The following SEMA3A variants were observed in gnomAD, a reference collection of about 807,000 sequenced individuals.
SEMA3A encodes semaphorin-3A.
SEMA3A carries 29 observed loss-of-function variants against 97.9 expected under a neutral mutation model. The observed-to-expected ratio is 0.30, with a 90% CI of 0.22 to 0.40. SEMA3A has a LOEUF of 0.40. Ranked by LOEUF, SEMA3A falls within the 10% of genes least tolerant of loss-of-function variation. SEMA3A has a pLI of 1.00. For missense variants in SEMA3A, 763 were observed against 951.3 expected, an observed-to-expected ratio of 0.80 and a Z score of 2.60; for synonymous variants, 321 against 323.7, an observed-to-expected ratio of 0.99 and a Z score of 0.09.
chr7:84,374,968 G>T (rs1803061866), intron 1 of SEMA3A, among the ~76,000 whole-genome samples: 1 of 152,116 alleles, frequency 6.6e-6, no homozygotes, highest in Admixed American at 6.6e-5. Flanking sequence ...TATGTTTGAA[G>T]CATAAATTGG....
chr7:84,158,116 A>G (rs1796904604), intron 1 of SEMA3A, among the ~76,000 whole-genome samples: 1 of 139,236 alleles, frequency 7.2e-6, no homozygotes, highest in African/African-American at 2.6e-5. Flanking sequence ...CCTTTGCTAC[A>G]TTGAAGCTTA....
intron 2 of SEMA3A, among the ~76,000 whole-genome samples, chr7:84,338,122 T>C (rs751051837): frequency 7.8e-4 from 118 of 151,470 alleles, no homozygotes; most frequent in Non-Finnish European, 1.3e-3. Context: ...GTGCATATAC[T>C]GAGTATATGT....
chr7:84,390,891 C>T (rs1222397423), intron 1 of SEMA3A, among the ~76,000 whole-genome samples: 1 of 152,108 alleles, frequency 6.6e-6, no homozygotes, highest in African/African-American at 2.4e-5. Flanking sequence ...CTTTTTGAGG[C>T]TTTCAGGGTC....
chr7:84,298,211 T>C (rs902389693), intron 3 of SEMA3A, among the ~76,000 whole-genome samples: 1 of 152,152 alleles, frequency 6.6e-6, no homozygotes, highest in Non-Finnish European at 1.5e-5. Context: ...CATATTGCCA[T>C]CATTCATAAT....
At chr7:84,358,471 G>T (rs1347028553) in intron 2 of SEMA3A, among the ~76,000 whole-genome samples, 1 of 151,992 alleles carries the variant, frequency 6.6e-6, no homozygotes, top group Non-Finnish European at 1.5e-5. Context: ...ATTCCTGAGG[G>T]CTCCATTCTG....
chr7:84,409,180 C>A (rs1804193898), intron 1 of SEMA3A, among the ~76,000 whole-genome samples: 1 of 151,174 alleles, frequency 6.6e-6, no homozygotes, highest in African/African-American at 2.4e-5. Flanking sequence ...TTCAAAATAT[C>A]TAGAAGTATT....
At chr7:84,091,948 G>T (rs1464251443) in intron 4 of SEMA3A, among the ~76,000 whole-genome samples, 1 of 152,008 alleles carries the variant, frequency 6.6e-6, no homozygotes, top group Non-Finnish European at 1.5e-5. Flanking sequence ...AGATATGCAG[G>T]TTGTATTTTT....
intron 3 of SEMA3A, among the ~76,000 whole-genome samples, chr7:84,257,672 C>A (rs1295110412): frequency 6.6e-6 from 1 of 152,112 alleles, no homozygotes; most frequent in Non-Finnish European, 1.5e-5. Flanking sequence ...TCATCTGATT[C>A]ATCAACTATG....
At chr7:83,993,370 G>C (rs1790047367) in intron 12 of SEMA3A, among the ~76,000 whole-genome samples, 1 of 150,978 alleles carries the variant, frequency 6.6e-6, no homozygotes, top group Non-Finnish European at 1.5e-5. Context: ...GATGTTACCT[G>C]GTTATTTTGC....
Position 84,066,352 on chromosome 7 carries a change from G to A in SEMA3A, c.454-5794C>T, listed in dbSNP as rs373886830. On this transcript the variant is annotated intron_variant, in intron 4 of 16. Transcript: ENST00000265362. ...AAAACCTGGAAGCATTCCCTTTGAA[G>A]ACTGGCACAATACAGGGATGCCCTC... Among the ~76,000 whole-genome samples, 588 of 150,488 alleles carry A rather than the reference G, an allele frequency of 3.9e-3. 4 individuals carry two copies. Among genetic ancestry groups the A allele is most frequent in the African/African-American group, 0.013 (539 of 40,114 alleles).
At chr7:84,298,876 G>T (rs2115814531) in intron 3 of SEMA3A, among the ~76,000 whole-genome samples, 1 of 152,214 alleles carries the variant, frequency 6.6e-6, no homozygotes, top group South Asian at 2.1e-4. Context: ...TAAGCTGCCA[G>T]CAAAACTAGA....
intron 3 of SEMA3A, among the ~76,000 whole-genome samples, chr7:84,208,186 C>T (rs1453864148): frequency 1.3e-5 from 2 of 152,142 alleles, no homozygotes; most frequent in Non-Finnish European, 2.9e-5. Flanking sequence ...GGCACTGTGG[C>T]TCATGACTGT....
intron 5 of SEMA3A, among the ~76,000 whole-genome samples, chr7:84,057,668 G>A (rs1214915120): frequency 6.6e-6 from 1 of 151,894 alleles, no homozygotes; most frequent in Non-Finnish European, 1.5e-5. Flanking sequence ...AGGAGGCTGA[G>A]GTAGGAGAAT....
intron 1 of SEMA3A, among the ~76,000 whole-genome samples, chr7:84,445,264 G>A (rs559302184): frequency 6.6e-6 from 1 of 151,778 alleles, no homozygotes; most frequent in East Asian, 2.0e-4. Context: ...GGCTGAGGCG[G>A]GCGGATCACG....
At chr7:84,414,394 T>TA (rs34408044) in intron 1 of SEMA3A, among the ~76,000 whole-genome samples, 6,680 of 112,196 alleles carry the variant, frequency 0.06, 303 homozygotes, top group African/African-American at 0.15. Context: ...TGGCTAAAAG[T>TA]AAAAAAAAAA....
chr7:84,129,875 G>GT (rs1795912378), intron 2 of SEMA3A, among the ~76,000 whole-genome samples: 1 of 151,924 alleles, frequency 6.6e-6, no homozygotes, highest in Admixed American at 6.6e-5. Context: ...AATTATTTGT[G>GT]TTTTTATCCC....
intron 1 of SEMA3A, among the ~76,000 whole-genome samples, chr7:84,438,071 T>C (rs965474211): frequency 1.3e-5 from 2 of 152,072 alleles, no homozygotes; most frequent in Non-Finnish European, 2.9e-5. Context: ...AAGAATTATA[T>C]ATTTTCAAAA....
chr7:84,174,223 C>G (rs943268189), intron 1 of SEMA3A, among the ~76,000 whole-genome samples: 1 of 152,054 alleles, frequency 6.6e-6, no homozygotes, highest in African/African-American at 2.4e-5. Flanking sequence ...CCAGCCAATC[C>G]CAGTCTGTGG....
At chr7:84,228,324 A>G (rs1799039489) in intron 3 of SEMA3A, among the ~76,000 whole-genome samples, 1 of 152,144 alleles carries the variant, frequency 6.6e-6, no homozygotes, top group Non-Finnish European at 1.5e-5. Context: ...ACCCCATCAC[A>G]CAAATATTCT....
Sources: gnomAD v4.1 joint callset for allele counts (sites outside exome capture counted in the v4.1 genomes callset) on GRCh38, gnomAD v4.1.1 for gene constraint, MANE v1.5 for transcripts, NCBI Gene and HGNC (gene_info 2026-07-23, HGNC 2026-07-21) for gene names.